The following ABCA6 variants were observed in gnomAD, a reference collection of about 807,000 sequenced individuals.
The protein encoded by ABCA6 is ATP-binding cassette sub-family A member 6.
ABCA6 carries 164 observed loss-of-function variants against 191.2 expected under a neutral mutation model. The observed-to-expected ratio is 0.86, with a 90% CI of 0.76 to 0.98. The LOEUF (loss-of-function observed/expected upper bound fraction) is 0.98. Among genes scored for constraint, ABCA6 ranks in the 50% least tolerant of loss-of-function variants. ABCA6 has a pLI of 0.00. For synonymous variants in ABCA6, 636 were observed against 647.7 expected (o/e 0.98, Z 0.27); for missense variants, 1,958 against 1,894.1 (o/e 1.03, Z -0.63).
intron 1 of ABCA6, among the ~76,000 whole-genome samples, chr17:69,141,343 C>A (rs1019458822): frequency 6.6e-6 from 1 of 152,016 alleles, no homozygotes; most frequent in Admixed American, 6.6e-5. Context: ...TCTCAATTTT[C>A]TGAATTCAGA....
rs145757597 is a variant in ABCA6 at position 69,124,890 on chromosome 17, G to T, written c.1265C>A (p.Pro422His). The change falls in exon 9 of 39, where the codon CCC (proline) becomes CAC (histidine). Residue 422 changes from proline (P) to histidine (H), a missense_variant and splice_region_variant. Transcript: ENST00000284425. ...GAGAAAAACTCACTATTACTTACAG[G>T]GTAAAATTTTGTCAAAGTATAATGC... The part of the protein sequence containing the change: ...LLALYFDKIL[P>H]YGDERHYSPL... 1.3e-6 allele frequency: 2 copies of T among 1,551,020 alleles called. No individual in the cohort carries two copies. The highest frequency in any genetic ancestry group is 1.7e-6 in the Non-Finnish European group (2 of 1,149,184).
chr17:69,111,014 C>T lies in ABCA6; in HGVS notation c.2133-74G>A, dbSNP rs1247904884. 3 of 1,409,106 alleles carry T rather than the reference C, an allele frequency of 2.1e-6. No homozygotes were observed. In the Admixed American group the frequency reaches 6.9e-5, roughly 33 times the overall value. 87.3% of individuals were successfully genotyped at this position (1,409,106 alleles called of 1,614,324 possible). On this transcript the variant is annotated intron_variant, in intron 16 of 38. Coordinates refer to ENST00000284425, the MANE Select transcript of ABCA6 (RefSeq NM_080284.3). ...TCACAAAAGAAGAGCTTTAATTGAA[C>T]ACCTAGCTGTTGAGCACAACTTTAC...
At chr17:69,123,769 G>A (rs1483567781) in intron 9 of ABCA6, among the ~76,000 whole-genome samples, 2 of 152,014 alleles carry the variant, frequency 1.3e-5, no homozygotes, top group African/African-American at 2.4e-5. Context: ...AGATCTTAGA[G>A]CCTCTGTTGT....
intron 6 of ABCA6, among the ~76,000 whole-genome samples, chr17:69,132,122 T>A (rs2073874322): frequency 1.3e-5 from 2 of 152,132 alleles, no homozygotes; most frequent in South Asian, 4.1e-4. Flanking sequence ...TATAGAAAAT[T>A]AAAAATTTAC....
intron 11 of ABCA6, among the ~76,000 whole-genome samples, chr17:69,116,881 T>G (rs910012977): frequency 9.9e-5 from 15 of 152,132 alleles, no homozygotes; most frequent in Admixed American, 9.8e-4. Flanking sequence ...TGCTTTTAAT[T>G]TTTTAAGGTG....
intron 18 of ABCA6, among the ~76,000 whole-genome samples, chr17:69,107,468 G>A (rs181255465): frequency 6.6e-6 from 1 of 152,238 alleles, no homozygotes; most frequent in East Asian, 1.9e-4. Flanking sequence ...AACATCTGAG[G>A]ATAGGAAATA....
intron 21 of ABCA6, among the ~76,000 whole-genome samples, chr17:69,101,138 A>G (rs888298252): frequency 2.6e-5 from 4 of 152,212 alleles, no homozygotes; most frequent in African/African-American, 4.8e-5. Context: ...CACTCTATTC[A>G]TGTACATTAA....
At chr17:69,128,403 A>G (rs1350166878) in intron 8 of ABCA6, among the ~76,000 whole-genome samples, 1 of 152,008 alleles carries the variant, frequency 6.6e-6, no homozygotes, top group Non-Finnish European at 1.5e-5. Flanking sequence ...AAATGAAAAT[A>G]TATCTGAGCG....
chr17:69,136,904 G>T (rs2073957568), intron 3 of ABCA6, among the ~76,000 whole-genome samples: 2 of 151,980 alleles, frequency 1.3e-5, no homozygotes, highest in Non-Finnish European at 2.9e-5. Flanking sequence ...TGAAATTATT[G>T]TTCAATAACC....
intron 27 of ABCA6, among the ~76,000 whole-genome samples, chr17:69,089,059 GAC>G (rs1291551217): frequency 6.6e-6 from 1 of 152,162 alleles, no homozygotes; most frequent in Admixed American, 6.5e-5. Context: ...GAAAAGTACT[GAC>G]ACATAGGATT....
chr17:69,083,293 C>CCT lies in ABCA6; in HGVS notation c.4392_4393dup (p.Gly1465GlufsTer5). The CCT allele has an allele frequency of 6.2e-7, 1 of 1,605,622 alleles. No homozygotes were observed. On this transcript the variant is annotated frameshift_variant, in exon 35 of 39. Coordinates refer to ENST00000284425, the MANE Select transcript of ABCA6 (RefSeq NM_080284.3). LOFTEE classifies it high-confidence loss of function. ...CAGGTTATGGGTGGTCAGGAGGACA[C>CCT]CTCTCTCTGTGTTTTTAACGACTGC...
chr17:69,117,690 CACT>C (rs1439202043), intron 11 of ABCA6, among the ~76,000 whole-genome samples: 1 of 151,814 alleles, frequency 6.6e-6, no homozygotes, highest in East Asian at 1.9e-4. Context: ...TGTATGATAC[CACT>C]GTTATAAATT....
intron 10 of ABCA6, among the ~76,000 whole-genome samples, chr17:69,121,593 G>T (rs1333909740): frequency 6.6e-6 from 1 of 152,000 alleles, no homozygotes; most frequent in Non-Finnish European, 1.5e-5. Context: ...GGCACAGTGG[G>T]GATGTGGGAG....
At position 69,132,708 on chromosome 17, in the gene ABCA6, G is replaced by A. The variant is rs772469380; in HGVS notation, c.791+933C>T. On this transcript the variant is annotated intron_variant, in intron 6 of 38. Coordinates refer to ENST00000284425, the MANE Select transcript of ABCA6 (RefSeq NM_080284.3). Reference sequence around the variant, plus strand: ...TTGGTCATGCTGGTCTCGAACTCCCGACCTCAGGTGATCCACCCGCCTGGG... The same window carrying A: ...TTGGTCATGCTGGTCTCGAACTCCCAACCTCAGGTGATCCACCCGCCTGGG... 7.2e-5 allele frequency among the ~76,000 whole-genome samples: 11 copies of A among 152,268 alleles called. 1 individual carries two copies. The highest frequency in any genetic ancestry group is 3.9e-4 in the East Asian group (2 of 5,182).
At position 69,128,683 on chromosome 17, in the gene ABCA6, G is replaced by C; in HGVS notation, c.1055C>G (p.Pro352Arg). ...LGFTVFYEQL[P>R]SSLEWILNIC... is the part of the protein sequence containing the mutation. ...ATTCAAAATCCACTCCAGAGATGAA[G>C]GAAGTTGTTCATAAAATACAGTGAA... is the stretch of plus-strand genomic sequence containing the variant. The change falls in exon 8 of 39, where the codon CCT becomes CGT. Residue 352 changes from proline (P) to arginine (R), a missense_variant. Transcript: ENST00000284425. 1 of 1,613,378 alleles carries C rather than the reference G, an allele frequency of 6.2e-7. No homozygotes were observed. The highest frequency in any genetic ancestry group is 1.1e-5 in the South Asian group (1 of 91,020).
chr17:69,128,784 C>T lies in ABCA6; in HGVS notation c.954G>A (p.Met318Ile), dbSNP rs1480451091. The T allele has an allele frequency of 1.9e-6, 3 of 1,598,666 alleles. No homozygotes were observed. The highest frequency in any genetic ancestry group is 2.7e-5 in the African/African-American group (2 of 74,356). Residue 318 changes from methionine to isoleucine, a missense_variant, in exon 8 of 39, where the codon ATG becomes ATA. Coordinates refer to ENST00000284425, the MANE Select transcript of ABCA6 (RefSeq NM_080284.3). ...GGACAGCTTTCTTTAACAGCACACT[C>T]ATCAGGAACACCAAAGCTACCTGCA... is the stretch of plus-strand genomic sequence containing the variant. ...GLSLVALVFL[M>I]SVLLKKAVLT...
chr17:69,107,617 C>T lies in ABCA6; in HGVS notation c.2389+79G>A, dbSNP rs1390263763. 3 of 989,688 alleles carry T rather than the reference C, an allele frequency of 3.0e-6. No homozygotes were observed. The East Asian group carries it at 7.3e-5, about 24-fold the overall frequency. 61.3% of individuals were successfully genotyped at this position (989,688 alleles called of 1,614,324 possible). A position where few individuals can be genotyped will look rare whatever the true frequency, so the allele number is the denominator to read the frequency against. On this transcript the variant is annotated intron_variant, in intron 18 of 38. Transcript: ENST00000284425. ...AATCACATTTCTTAGTGTGAATCAC[C>T]CATAAGAAATTATAAATACTAAATT...
At chr17:69,124,703 TAAG>T (rs968070627) in intron 9 of ABCA6, among the ~76,000 whole-genome samples, 182 bp downstream of exon 9, 14 of 152,046 alleles carry the variant, frequency 9.2e-5, no homozygotes, top group African/African-American at 1.7e-4. Flanking sequence ...AGTAAAGTCA[TAAG>T]AAGAATTGTT....
intron 6 of ABCA6, 93 bp downstream of exon 6, chr17:69,133,548 G>A: frequency 2.0e-6 from 2 of 1,010,292 alleles, no homozygotes; most frequent in Non-Finnish European, 2.9e-6. Context: ...AATGCATCAA[G>A]TTTAAACCAT....
Sources: allele counts gnomAD v4.1 joint callset (sites outside exome capture counted in the v4.1 genomes callset), GRCh38; gene constraint gnomAD v4.1.1; transcripts MANE v1.5; gene names NCBI Gene and HGNC (gene_info 2026-07-23, HGNC 2026-07-21).